Variants in TMC7 observed in about 807,000 individuals in gnomAD.
TMC7 encodes transmembrane channel like 7, also known as transmembrane channel-like protein 7.
TMC7 carries 54 observed loss-of-function variants against 82.9 expected under a neutral mutation model. The ratio of observed to expected loss-of-function variants is 0.65; its 90% confidence interval spans 0.52 to 0.82. TMC7 has a LOEUF of 0.82. Ranked by LOEUF, TMC7 falls within the 40% of genes least tolerant of loss-of-function variation. The pLI, the probability that TMC7 is intolerant of heterozygous loss-of-function variation, is 0.00. For synonymous variants in TMC7, 350 were observed against 337.9 expected (o/e 1.04, Z -0.39); for missense variants, 820 against 901.2 (o/e 0.91, Z 1.15).
chr16:19,006,337 AGCGTGCC>A (rs2039240829), intron 1 of TMC7, among the ~76,000 whole-genome samples: 1 of 152,054 alleles, frequency 6.6e-6, no homozygotes. Context: ...GGCACGCGCT[AGCGTGCC>A]CAGCTAATTT....
chr16:18,990,761 T>G (rs559743265), intron 1 of TMC7, among the ~76,000 whole-genome samples: 44 of 152,200 alleles, frequency 2.9e-4, no homozygotes, highest in African/African-American at 1.1e-3. Context: ...CAAATAAACT[T>G]CTTAAGGGTG....
chr16:19,019,220 A>G (rs1959851443), intron 3 of TMC7, among the ~76,000 whole-genome samples: 1 of 152,226 alleles, frequency 6.6e-6, no homozygotes. Context: ...AAACTTTGTG[A>G]GGTTTGTAAG....
chr16:19,034,332 C>G (rs1028676095), intron 6 of TMC7, among the ~76,000 whole-genome samples: 16 of 152,232 alleles, frequency 1.1e-4, no homozygotes, highest in African/African-American at 3.6e-4. Context: ...GGTGCGGTGG[C>G]TCATGCCTGT....
At chr16:19,049,740 C>T (rs1053568413) in intron 12 of TMC7, 9 of 812,368 alleles carry the variant, frequency 1.1e-5, no homozygotes, top group Middle Eastern at 6.3e-4. Context: ...CCGGCTGCCC[C>T]GAGGCTGGGC....
chr16:19,062,825 T>C lies in TMC7; in HGVS notation c.*982T>C, dbSNP rs1229198538. ...TTTTCAAAGGACTGTAGTTTTGTAA[T>C]GGACTTTTCAAGCCTTCCTTCCATT... On this transcript the variant is annotated 3_prime_UTR_variant, in exon 16 of 16. Transcript: ENST00000304381. 6.6e-6 allele frequency: 1 copy of C among 152,626 alleles called. No homozygotes were observed. The highest frequency in any genetic ancestry group is 2.4e-5 in the African/African-American group (1 of 41,456). The allele number at this position is 152,626 out of a possible 1,614,324, so 9.5% of individuals were successfully genotyped here. A position where few individuals can be genotyped will look rare whatever the true frequency, so the allele number is the denominator to read the frequency against.
intron 8 of TMC7, among the ~76,000 whole-genome samples, chr16:19,039,750 C>T (rs1447690278): frequency 1.3e-5 from 2 of 152,102 alleles, no homozygotes; most frequent in African/African-American, 2.4e-5. Context: ...TCTTATACAT[C>T]CCTTTAATAA....
chr16:19,041,199 A>T (rs1255984733), intron 9 of TMC7, among the ~76,000 whole-genome samples: 1 of 151,276 alleles, frequency 6.6e-6, no homozygotes, highest in East Asian at 2.0e-4. Context: ...CCCGGTCTCA[A>T]AGTTTTCAAA....
chr16:19,013,106 G>A (rs1299581330), intron 2 of TMC7, among the ~76,000 whole-genome samples: 2 of 149,296 alleles, frequency 1.3e-5, no homozygotes, highest in Non-Finnish European at 3.0e-5. Context: ...CTTAGCCACC[G>A]CACCGGGCCA....
At chr16:19,005,099 T>C (rs2039214801) in intron 1 of TMC7, among the ~76,000 whole-genome samples, 1 of 149,316 alleles carries the variant, frequency 6.7e-6, no homozygotes, top group African/African-American at 2.5e-5. Context: ...TTTATTTATT[T>C]ATTTTCTGAG....
At chr16:18,988,615 CAG>C (rs2038895888) in intron 1 of TMC7, among the ~76,000 whole-genome samples, 1 of 151,660 alleles carries the variant, frequency 6.6e-6, no homozygotes, top group South Asian at 2.1e-4. Context: ...TTTGTAGAGA[CAG>C]AGTCTTGCTA....
chr16:19,008,907 A>G lies in TMC7; in HGVS notation c.68-265A>G, dbSNP rs2039287352. 2.0e-5 allele frequency among the ~76,000 whole-genome samples: 3 copies of G among 152,318 alleles called. 1 individual carries two copies. In the South Asian group the frequency reaches 6.2e-4, roughly 32 times the overall value. Reference sequence around the variant, plus strand: ...CTTGCCCAAGGCCATGCTTTTAGCTAGTGTCTGTAGCCAAACACTGGAGAT... The same window carrying G: ...CTTGCCCAAGGCCATGCTTTTAGCTGGTGTCTGTAGCCAAACACTGGAGAT... On this transcript the variant is annotated intron_variant, in intron 1 of 15. Coordinates refer to ENST00000304381, the MANE Select transcript of TMC7 (RefSeq NM_024847.4).
At chr16:19,020,588 C>T (rs115868230) in intron 3 of TMC7, among the ~76,000 whole-genome samples, 2,195 of 152,212 alleles carry the variant, frequency 0.014, 59 homozygotes, top group African/African-American at 0.05. Flanking sequence ...AATGTCAGGG[C>T]TGGGCGTGGT....
At chr16:19,025,576 G>A (rs1039061726) in intron 5 of TMC7, among the ~76,000 whole-genome samples, 1 of 151,976 alleles carries the variant, frequency 6.6e-6, no homozygotes, top group Non-Finnish European at 1.5e-5. Flanking sequence ...CTGAGATCAC[G>A]CAACTGCATT....
chr16:18,985,554 G>A (rs1314178736), intron 1 of TMC7, among the ~76,000 whole-genome samples: 1 of 152,138 alleles, frequency 6.6e-6, no homozygotes, highest in Non-Finnish European at 1.5e-5. Flanking sequence ...AAGATGTCAA[G>A]TTCCTCATTT....
At chr16:18,985,237 C>T (rs1035453084) in intron 1 of TMC7, among the ~76,000 whole-genome samples, 8 of 145,028 alleles carry the variant, frequency 5.5e-5, no homozygotes, top group East Asian at 2.1e-4. Flanking sequence ...CCAGCCTGGG[C>T]GACAGACCAA....
At chr16:19,049,561 G>A in intron 12 of TMC7, 1 of 910,988 alleles carries the variant, frequency 1.1e-6, no homozygotes, top group Non-Finnish European at 1.3e-6. Flanking sequence ...ATCATCAAAG[G>A]AGAGATGGAC....
At chr16:19,052,103 A>G (rs1293405832) in intron 13 of TMC7, among the ~76,000 whole-genome samples, 3 of 151,872 alleles carry the variant, frequency 2.0e-5, no homozygotes, top group Admixed American at 1.3e-4. Flanking sequence ...GCTGATTTTT[A>G]TATTTATTAG....
At chr16:18,984,152 G>C (rs1332229550) in intron 1 of TMC7, 22 bp downstream of exon 1, 2 of 1,488,696 alleles carry the variant, frequency 1.3e-6, no homozygotes, top group Non-Finnish European at 1.8e-6. Context: ...GGGAGCGCGC[G>C]CGGGGACGGT....
chr16:19,002,647 C>T (rs1223693851), intron 1 of TMC7, among the ~76,000 whole-genome samples: 8 of 152,192 alleles, frequency 5.3e-5, no homozygotes. Flanking sequence ...CCTGGCCCTG[C>T]TCCCTCATGT....
Sources: allele counts gnomAD v4.1 joint callset (sites outside exome capture counted in the v4.1 genomes callset), GRCh38; gene constraint gnomAD v4.1.1; transcripts MANE v1.5; gene names NCBI Gene and HGNC (gene_info 2026-07-23, HGNC 2026-07-21).